The following NDST4 variants were observed in gnomAD, a reference collection of about 807,000 sequenced individuals.
The protein encoded by NDST4 is N-deacetylase and N-sulfotransferase 4.
Under a neutral mutation model 100.8 loss-of-function variants are expected in NDST4, and 63 were observed. That is an observed-to-expected ratio of 0.62 (90% CI 0.51 to 0.77). The LOEUF (loss-of-function observed/expected upper bound fraction) is 0.77. NDST4 is among the 30% of genes least tolerant of loss of function. NDST4 has a pLI of 0.00. For missense variants in NDST4, 943 were observed against 1,018.4 expected, an observed-to-expected ratio of 0.93 and a Z score of 1.01; for synonymous variants, 377 against 361.8, an observed-to-expected ratio of 1.04 and a Z score of -0.48.
At chr4:115,012,687 G>A (rs1354187973) in intron 2 of NDST4, among the ~76,000 whole-genome samples, 2 of 151,918 alleles carry the variant, frequency 1.3e-5, no homozygotes, top group Non-Finnish European at 2.9e-5. Context: ...TCCCAGTGCT[G>A]GGTGTATATC....
rs1729188070 is a variant in NDST4 at position 115,076,551 on chromosome 4, G to A, written c.486C>T (p.Ile162=). 6.2e-7 allele frequency: 1 copy of A among 1,613,900 alleles called. No individual in the cohort carries two copies. The highest frequency in any genetic ancestry group is 1.3e-5 in the African/African-American group (1 of 75,042). ...TGTTCTCATTGGCTTTATGAAAACC[G>A]ATTATACTAACACTGTATTCCACAC... The part of the protein sequence containing the change: ...KYCVEYSVSI[I]GFHKANENSL... The change falls in exon 2 of 14, where the codon ATC becomes ATT. Residue 162 remains isoleucine, a synonymous_variant. Transcript: ENST00000264363.
intron 2 of NDST4, among the ~76,000 whole-genome samples, chr4:115,034,052 C>T (rs1005837731): frequency 6.6e-6 from 1 of 152,062 alleles, no homozygotes; most frequent in Non-Finnish European, 1.5e-5. Flanking sequence ...ATGCCCTAAC[C>T]ACAAGTTCCT....
intron 7 of NDST4, among the ~76,000 whole-genome samples, chr4:114,865,415 T>A (rs948119797): frequency 8.5e-5 from 13 of 152,122 alleles, no homozygotes; most frequent in African/African-American, 3.1e-4. Flanking sequence ...TCCCTTATGT[T>A]ATTATTTGTG....
rs778348193 is a variant in NDST4, at chr4:115,076,687, A to G, written c.350T>C (p.Ile117Thr). 3.7e-5 allele frequency: 59 copies of G among 1,613,936 alleles called. 1 individual carries two copies. The South Asian group carries it at 6.0e-4, about 17-fold the overall frequency. The change falls in exon 2 of 14, where the codon ATA becomes ACA. Residue 117 changes from isoleucine (I) to threonine (T), a missense_variant. Ile to Thr is a moderately conservative substitution (Grantham distance 89). This residue lies in a region of NDST4 where 417 missense variants were observed against 384.2 expected (regional missense o/e 1.09). Transcript: ENST00000264363. ...HMVIAPGKGD[I>T]PPLTDNGKGK... ...TTTGCCATTATCTGTAAGAGGAGGT[A>G]TATCTCCCTTTCCAGGGGCAATAAC...
intron 6 of NDST4, among the ~76,000 whole-genome samples, chr4:114,930,149 TG>T (rs1725482829): frequency 6.6e-6 from 1 of 152,234 alleles, no homozygotes; most frequent in African/African-American, 2.4e-5. Context: ...ATATCCTTGA[TG>T]TTTTTAAAAA....
At chr4:114,997,753 A>G (rs899110790) in intron 2 of NDST4, among the ~76,000 whole-genome samples, 12 of 152,020 alleles carry the variant, frequency 7.9e-5, no homozygotes, top group African/African-American at 2.4e-4. Flanking sequence ...TGAAGTGAAT[A>G]CTCCATTAGC....
At chr4:115,019,457 T>C (rs1727760524) in intron 2 of NDST4, among the ~76,000 whole-genome samples, 1 of 152,050 alleles carries the variant, frequency 6.6e-6, no homozygotes, top group Non-Finnish European at 1.5e-5. Context: ...AATCAACTGA[T>C]TAGACTTGCC....
At chr4:114,845,560 A>G (rs1193806956) in intron 10 of NDST4, among the ~76,000 whole-genome samples, 1 of 152,176 alleles carries the variant, frequency 6.6e-6, no homozygotes, top group African/African-American at 2.4e-5. Context: ...AACATTCTAC[A>G]TGTTTATATA....
chr4:115,049,841 G>A (rs1728546375), intron 2 of NDST4, among the ~76,000 whole-genome samples: 1 of 152,102 alleles, frequency 6.6e-6, no homozygotes, highest in Admixed American at 6.6e-5. Context: ...TAAAACATAT[G>A]TTTTGTGCTA....
At chr4:115,048,568 G>C (rs1027035920) in intron 2 of NDST4, among the ~76,000 whole-genome samples, 9 of 152,082 alleles carry the variant, frequency 5.9e-5, no homozygotes, top group African/African-American at 2.2e-4. Context: ...TTACACGCGT[G>C]AGCCACCGTG....
chr4:114,880,541 C>T (rs914510269), intron 6 of NDST4, among the ~76,000 whole-genome samples: 2 of 152,148 alleles, frequency 1.3e-5, no homozygotes, highest in East Asian at 1.9e-4. Context: ...GTAAGCTTCA[C>T]TGACAACCTC....
intron 2 of NDST4, among the ~76,000 whole-genome samples, chr4:114,986,399 T>C (rs8180156): frequency 0.06 from 9,143 of 152,120 alleles, 361 homozygotes; most frequent in Middle Eastern, 0.099. Context: ...TCATCTCCTT[T>C]CCACAGAACT....
chr4:115,061,667 A>G (rs1010353590), intron 2 of NDST4, among the ~76,000 whole-genome samples: 3 of 151,934 alleles, frequency 2.0e-5, no homozygotes, highest in Admixed American at 1.3e-4. Context: ...CAAATACCTA[A>G]CGCATGCGGG....
intron 2 of NDST4, among the ~76,000 whole-genome samples, chr4:115,022,925 A>G (rs1057124448): frequency 7.9e-5 from 12 of 152,168 alleles, no homozygotes; most frequent in African/African-American, 2.4e-4. Flanking sequence ...GAACTGAAAG[A>G]CCATTAAACT....
At chr4:114,917,562 G>A (rs1725200159) in intron 6 of NDST4, among the ~76,000 whole-genome samples, 1 of 152,028 alleles carries the variant, frequency 6.6e-6, no homozygotes, top group African/African-American at 2.4e-5. Flanking sequence ...AGGATTGCTT[G>A]AACCCAAGAG....
At chr4:114,972,102 A>G (rs1276499357) in intron 3 of NDST4, among the ~76,000 whole-genome samples, 1 of 151,956 alleles carries the variant, frequency 6.6e-6, no homozygotes, top group Non-Finnish European at 1.5e-5. Flanking sequence ...TGTTTTAGAA[A>G]CTTTGCCTGC....
chr4:114,829,292 T>TTTTACGTTG lies in NDST4; in HGVS notation c.2499+497_2499+498insCAACGTAAA, dbSNP rs1377852133. ...CGTTTTCTGGTTTCGTTTGTCATTG[T>TTTTACGTTG]TTTACGTTTTTATGTCCCTAATACA... On this transcript the variant is annotated intron_variant, in intron 13 of 13. Coordinates refer to ENST00000264363, the MANE Select transcript of NDST4 (RefSeq NM_022569.3). Among the ~76,000 whole-genome samples, 483 of 152,298 alleles carry TTTTACGTTG rather than the reference T, an allele frequency of 3.2e-3. 3 individuals are homozygous for TTTTACGTTG. The highest frequency in any genetic ancestry group is 0.011 in the African/African-American group (439 of 41,546).
At chr4:115,087,624 G>A (rs1032057301) in intron 1 of NDST4, among the ~76,000 whole-genome samples, 1 of 151,572 alleles carries the variant, frequency 6.6e-6, no homozygotes, top group Non-Finnish European at 1.5e-5. Flanking sequence ...ACAATGTTGC[G>A]ATTTCCTATC....
rs1040548822 is a variant in NDST4, at chr4:114,925,322, A to G, written c.1536+9884T>C. On this transcript the variant is annotated intron_variant, in intron 6 of 13. Transcript: ENST00000264363. The stretch of plus-strand genomic sequence containing the variant: ...CATTTTATTTTGTTGCTCTGCACAT[A>G]AAATAGTTTTCTCTAAATTACCTCA... Among the ~76,000 whole-genome samples the G allele has an allele frequency of 2.0e-5, 3 of 152,180 alleles. 1 individual carries two copies. Among genetic ancestry groups the G allele is most frequent in the South Asian group, 4.1e-4 (2 of 4,834 alleles).
Sources: gnomAD v4.1 joint callset for allele counts (sites outside exome capture counted in the v4.1 genomes callset) on GRCh38, gnomAD v4.1.1 for gene constraint, gnomAD v4.1.1 regional missense constraint, MANE v1.5 for transcripts, NCBI Gene and HGNC (gene_info 2026-07-23, HGNC 2026-07-21) for gene names.